LHPP: variants seen among roughly 807,000 people sequenced by gnomAD.
The protein encoded by LHPP is hLHPP.
A neutral mutation model predicts 30.3 loss-of-function variants in LHPP; 24 were observed. The observed-to-expected ratio is 0.79, with a 90% CI of 0.57 to 1.11. The LOEUF is 1.11. LHPP is among the 50% of genes most tolerant of loss of function. The probability of loss-of-function intolerance (pLI) is 0.00; values close to 1 mark genes in which losing one functional copy is unlikely to be tolerated. For synonymous variants in LHPP, 150 were observed against 157.1 expected (o/e 0.95, Z 0.34); for missense variants, 356 against 367.2 (o/e 0.97, Z 0.25).
chr10:124,498,179 G>T, intron 5 of LHPP, 51 bp downstream of exon 5: 1 of 1,564,340 alleles, frequency 6.4e-7, no homozygotes. Context: ...CCGTCAGGGA[G>T]GCCCTGGAGC....
intron 6 of LHPP, among the ~76,000 whole-genome samples, chr10:124,564,629 C>A (rs1948460530): frequency 6.6e-6 from 1 of 152,274 alleles, no homozygotes; most frequent in South Asian, 2.1e-4. Flanking sequence ...AGAGCCCCTG[C>A]TAGGCATGAG....
chr10:124,517,277 T>C lies in LHPP; in HGVS notation c.716+6T>C, dbSNP rs1349447790. On this transcript the variant is annotated splice_donor_region_variant and intron_variant, in intron 6 of 6. Transcript: ENST00000368842. This position sits in a 1 kb window ranked among gnomAD's most constrained non-coding sequence, Gnocchi z 4.1. ...GTGCGCACCGGGAAGTTCAGGTCAG[T>C]GCCAGCTGGAGTCATTTATTCACCT... 1.1e-5 allele frequency: 17 copies of C among 1,571,052 alleles called. No individual in the cohort carries two copies. Among genetic ancestry groups the C allele is most frequent in the Non-Finnish European group, 1.4e-5 (16 of 1,156,962 alleles).
intron 5 of LHPP, chr10:124,498,654 CTTT>C (rs1953803572): frequency 2.1e-6 from 1 of 466,624 alleles, no homozygotes; most frequent in African/African-American, 2.3e-5. Flanking sequence ...GTTTTCTTTT[CTTT>C]TTCTTTTTTT....
intron 1 of LHPP, among the ~76,000 whole-genome samples, chr10:124,474,528 T>C (rs1236817332): frequency 6.6e-6 from 1 of 152,106 alleles, no homozygotes; most frequent in African/African-American, 2.4e-5. Context: ...CCACATCTGT[T>C]TGTATTTTCA....
intron 1 of LHPP, among the ~76,000 whole-genome samples, chr10:124,470,797 A>G (rs1186339863): frequency 2.6e-5 from 4 of 151,962 alleles, no homozygotes; most frequent in Admixed American, 1.3e-4. Context: ...TTGTAGGGAG[A>G]GGGCCATTTG....
intron 6 of LHPP, among the ~76,000 whole-genome samples, chr10:124,555,192 G>C (rs930518969): frequency 6.6e-6 from 1 of 152,220 alleles, no homozygotes; most frequent in Non-Finnish European, 1.5e-5. Flanking sequence ...GTGGGGATGG[G>C]TGAGGGGTGA....
chr10:124,481,047 A>G (rs542742255), intron 1 of LHPP, among the ~76,000 whole-genome samples: 73 of 152,254 alleles, frequency 4.8e-4, no homozygotes, highest in Non-Finnish European at 9.1e-4. Context: ...TCATTCAGCA[A>G]ATGTTAATGG....
chr10:124,514,806 T>G (rs1314428977), intron 5 of LHPP, among the ~76,000 whole-genome samples: 1 of 151,938 alleles, frequency 6.6e-6, no homozygotes, highest in Non-Finnish European at 1.5e-5. Flanking sequence ...TTTTTTTTTT[T>G]TTAATCTAAT....
rs1356583458 is a variant in LHPP, at chr10:124,510,939, A to G, written c.625-6241A>G. 6.6e-6 allele frequency among the ~76,000 whole-genome samples: 1 copy of G among 152,178 alleles called. No homozygotes were observed. The highest frequency in any genetic ancestry group is 1.5e-5 in the Non-Finnish European group (1 of 68,022). ...TGCCCGGCCAGCCCTGGCTTTTCCC[A>G]ACCCTCAGAGTGCCCCTTGTGCATG... is the stretch of plus-strand genomic sequence containing the variant. On this transcript the variant is annotated intron_variant, in intron 5 of 6. Coordinates refer to ENST00000368842, the MANE Select transcript of LHPP (RefSeq NM_022126.4). The surrounding 1 kb of genome is among the most constrained non-coding windows in gnomAD (Gnocchi z 4.0).
intron 6 of LHPP, among the ~76,000 whole-genome samples, chr10:124,567,577 C>G (rs908949856): frequency 6.6e-6 from 1 of 152,208 alleles, no homozygotes; most frequent in Admixed American, 6.5e-5. Flanking sequence ...TTAATATCCC[C>G]GAGTAACCAC....
Position 124,610,505 on chromosome 10 carries a change from G to A in LHPP, c.717-2759G>A, listed in dbSNP as rs868505918. Among the ~76,000 whole-genome samples, 6 of 114,984 alleles carry A rather than the reference G, an allele frequency of 5.2e-5. 1 individual carries two copies. The highest frequency in any genetic ancestry group is 2.7e-4 in the African/African-American group (6 of 22,100). 75.4% of individuals were successfully genotyped at this position (114,984 alleles called of 152,430 possible). ...AGCGGGTGAGGGTGAGGGTGTTGAC[G>A]GAGCGGGTGAGGGTGCGGGTGAGGG... On this transcript the variant is annotated intron_variant, in intron 6 of 6. Transcript: ENST00000368842.
At chr10:124,515,755 A>G (rs1249647004) in intron 5 of LHPP, among the ~76,000 whole-genome samples, 2 of 152,192 alleles carry the variant, frequency 1.3e-5, no homozygotes, top group Non-Finnish European at 2.9e-5. Context: ...ATCGCACTCA[A>G]TGCCCTGTGC....
intron 1 of LHPP, among the ~76,000 whole-genome samples, chr10:124,483,854 G>A (rs1178158864): frequency 1.3e-5 from 2 of 151,924 alleles, no homozygotes; most frequent in African/African-American, 2.4e-5. Flanking sequence ...ATGAAAAGGG[G>A]GGTCAGGTGG....
In LHPP at chr10:124,613,750, A is replaced by G; in HGVS notation, c.*390A>G. The G allele has an allele frequency of 3.9e-6, 1 of 259,140 alleles. No homozygotes were observed. Among genetic ancestry groups the G allele is most frequent in the Non-Finnish European group, 7.5e-6 (1 of 132,552 alleles). 16.1% of individuals were successfully genotyped at this position (259,140 alleles called of 1,614,324 possible). On this transcript the variant is annotated 3_prime_UTR_variant, in exon 7 of 7. Transcript: ENST00000368842. ...CAGTAAACTCCACCTAACCAGATTCAGGGGCACTATGCCCACTGCCTCCTC... is the reference window on the plus strand; with the variant it reads ...CAGTAAACTCCACCTAACCAGATTCGGGGGCACTATGCCCACTGCCTCCTC...
At chr10:124,524,884 G>A (rs1306872162) in intron 6 of LHPP, among the ~76,000 whole-genome samples, 1 of 152,190 alleles carries the variant, frequency 6.6e-6, no homozygotes, top group African/African-American at 2.4e-5. Flanking sequence ...CATAAAATAT[G>A]CCATTAAACA....
chr10:124,490,363 T>A (rs993078027), intron 3 of LHPP: 1 of 304,054 alleles, frequency 3.3e-6, no homozygotes, highest in African/African-American at 2.2e-5. Flanking sequence ...TGGATCCCCA[T>A]GTGGGTGAGG....
chr10:124,512,797 C>T (rs73365887), intron 5 of LHPP, among the ~76,000 whole-genome samples: 3,419 of 152,216 alleles, frequency 0.022, 108 homozygotes, highest in African/African-American at 0.077. Flanking sequence ...CTCCACCCCA[C>T]TGCTCTAGCT....
intron 1 of LHPP, among the ~76,000 whole-genome samples, chr10:124,482,938 CT>C (rs1250830676): frequency 6.6e-6 from 1 of 152,256 alleles, no homozygotes; most frequent in Non-Finnish European, 1.5e-5. Flanking sequence ...GATCAGGGAA[CT>C]TTTCCATGCT....
intron 6 of LHPP, among the ~76,000 whole-genome samples, chr10:124,521,025 G>A (rs1325366345): frequency 6.6e-6 from 1 of 152,190 alleles, no homozygotes; most frequent in African/African-American, 2.4e-5. Context: ...AGGAGTGTTG[G>A]TGGCCCCAGG....
Sources: allele counts gnomAD v4.1 joint callset (sites outside exome capture counted in the v4.1 genomes callset), GRCh38; gene constraint gnomAD v4.1.1; non-coding constraint Gnocchi (gnomAD v3.1); transcripts MANE v1.5; gene names NCBI Gene and HGNC (gene_info 2026-07-23, HGNC 2026-07-21).